Variants in PDE10A observed in about 807,000 individuals in gnomAD.
PDE10A encodes the protein phosphodiesterase 10A, also known as cAMP and cAMP-inhibited cGMP 3',5'-cyclic phosphodiesterase 10A.
Under a neutral mutation model 97.7 loss-of-function variants are expected in PDE10A, and 39 were observed. The observed-to-expected ratio is 0.40, with a 90% CI of 0.31 to 0.52. PDE10A has a LOEUF of 0.52. Among genes scored for constraint, PDE10A ranks in the 20% least tolerant of loss-of-function variants. The probability of loss-of-function intolerance (pLI) is 0.56; values close to 1 mark genes in which losing one functional copy is unlikely to be tolerated. For synonymous variants in PDE10A, 371 were observed against 376.8 expected, an observed-to-expected ratio of 0.98 and a Z score of 0.18; for missense variants, 731 against 1,047.8, an observed-to-expected ratio of 0.70 and a Z score of 4.17.
At chr6:165,855,450 C>T (rs868497093) in intron 1 of PDE10A, among the ~76,000 whole-genome samples, 1 of 151,386 alleles carries the variant, frequency 6.6e-6, no homozygotes, top group South Asian at 2.1e-4. Context: ...TGAGTCTGCC[C>T]GGCCTGAGAT....
At chr6:165,480,194 T>A (rs539557806) in intron 3 of PDE10A, among the ~76,000 whole-genome samples, 14 of 152,290 alleles carry the variant, frequency 9.2e-5, no homozygotes, top group South Asian at 8.3e-4. Context: ...ATCCCTATAC[T>A]CAAAGGGTTT....
chr6:165,940,700 G>C (rs1783490071), intron 1 of PDE10A: 1 of 152,254 alleles, frequency 6.6e-6, no homozygotes, highest in South Asian at 2.1e-4. Flanking sequence ...GTGCCTCCCT[G>C]TGAATTCTCT....
intron 2 of PDE10A, among the ~76,000 whole-genome samples, chr6:165,518,046 C>T (rs1309524229): frequency 6.6e-6 from 1 of 152,140 alleles, no homozygotes; most frequent in African/African-American, 2.4e-5. Context: ...TATTAAGTGG[C>T]AGATCCCAAA....
intron 1 of PDE10A, among the ~76,000 whole-genome samples, chr6:165,967,575 T>A (rs1784549401): frequency 6.6e-6 from 1 of 152,164 alleles, no homozygotes; most frequent in Non-Finnish European, 1.5e-5. Context: ...CAATCGAAAA[T>A]CATTTCAAAA....
At chr6:165,847,349 G>C (rs996827749) in intron 1 of PDE10A, among the ~76,000 whole-genome samples, 2 of 152,194 alleles carry the variant, frequency 1.3e-5, no homozygotes, top group African/African-American at 2.4e-5. Flanking sequence ...GCGGCTATAT[G>C]TTACTGAAAG....
At chr6:165,476,407 G>C (rs1779302085) in intron 3 of PDE10A, among the ~76,000 whole-genome samples, 1 of 152,240 alleles carries the variant, frequency 6.6e-6, no homozygotes, top group South Asian at 2.1e-4. Flanking sequence ...TTTTAAAAGA[G>C]TCATTATGAA....
chr6:165,784,229 AAAAAAAG>A (rs1462235800), intron 1 of PDE10A, among the ~76,000 whole-genome samples: 3 of 145,586 alleles, frequency 2.1e-5, no homozygotes, highest in Admixed American at 1.3e-4. Flanking sequence ...TCTCAAAAAA[AAAAAAAG>A]AAAAAAGAAA....
intron 5 of PDE10A, among the ~76,000 whole-genome samples, chr6:165,444,788 A>G (rs969116516): frequency 3.3e-5 from 5 of 152,100 alleles, no homozygotes; most frequent in African/African-American, 4.8e-5. Context: ...AACTTCTGAC[A>G]TATTTAAATG....
chr6:165,663,889 A>G (rs546876010), upstream of PDE10A, among the ~76,000 whole-genome samples: 1 of 152,308 alleles, frequency 6.6e-6, no homozygotes, highest in East Asian at 1.9e-4. Flanking sequence ...GGCAGTTGCC[A>G]CTGAAGGGAA....
At chr6:165,415,972 G>C (rs1000802680) in intron 12 of PDE10A, among the ~76,000 whole-genome samples, 1 of 152,108 alleles carries the variant, frequency 6.6e-6, no homozygotes, top group Non-Finnish European at 1.5e-5. Flanking sequence ...CTAAACTCCT[G>C]TATCTAGATA....
intron 1 of PDE10A, among the ~76,000 whole-genome samples, chr6:165,567,846 C>T (rs1472971599): frequency 6.6e-6 from 1 of 151,932 alleles, no homozygotes; most frequent in East Asian, 1.9e-4. Context: ...ATTATGTGTC[C>T]ATCTTTCACC....
intron 2 of PDE10A, among the ~76,000 whole-genome samples, chr6:165,509,587 T>C (rs905021610): frequency 3.5e-5 from 3 of 86,874 alleles, no homozygotes; most frequent in Non-Finnish European, 6.9e-5. Context: ...AATTTCAGGA[T>C]TTTTTTTTTT....
At chr6:165,679,471 C>A (rs530636541) in intron 1 of PDE10A, among the ~76,000 whole-genome samples, 2 of 152,194 alleles carry the variant, frequency 1.3e-5, no homozygotes, top group Non-Finnish European at 1.5e-5. Flanking sequence ...TCTCACCGGC[C>A]GCTACCTCCC....
intron 1 of PDE10A, among the ~76,000 whole-genome samples, chr6:165,818,237 C>T (rs1278597977): frequency 6.6e-6 from 1 of 152,140 alleles, no homozygotes; most frequent in Non-Finnish European, 1.5e-5. Context: ...CCGCCTTTCC[C>T]CACTGACTCC....
At chr6:165,885,277 G>A (rs1343587233) in intron 1 of PDE10A, among the ~76,000 whole-genome samples, 1 of 152,198 alleles carries the variant, frequency 6.6e-6, no homozygotes, top group East Asian at 1.9e-4. Flanking sequence ...GAGGCCTCAG[G>A]AAACTTACAA....
intron 1 of PDE10A, among the ~76,000 whole-genome samples, chr6:165,761,511 T>C (rs1793250007): frequency 6.6e-6 from 1 of 152,202 alleles, no homozygotes; most frequent in Non-Finnish European, 1.5e-5. Flanking sequence ...TCAATTTTCC[T>C]TCATTTTTGC....
chr6:165,903,382 G>A (rs192435614), intron 1 of PDE10A, among the ~76,000 whole-genome samples: 24 of 152,326 alleles, frequency 1.6e-4, no homozygotes, highest in African/African-American at 5.8e-4. Context: ...GATGAATATA[G>A]GATTCATTTT....
intron 1 of PDE10A, among the ~76,000 whole-genome samples, chr6:165,911,393 A>G (rs1260151725): frequency 6.6e-6 from 1 of 152,228 alleles, no homozygotes; most frequent in African/African-American, 2.4e-5. Context: ...TTAGAAAACA[A>G]ATTTAAATAA....
In PDE10A at chr6:165,418,019, G is replaced by A. The variant is rs1583244060; in HGVS notation, c.1796+616C>T. On this transcript the variant is annotated intron_variant, in intron 11 of 21. Transcript: ENST00000539869. The surrounding 1 kb of genome is among the most constrained non-coding windows in gnomAD (Gnocchi z 4.8). ...AACGTTTTGTCAGAGTGCTCCTTGT[G>A]TAGGTTTCCAGGTGCGATATGAGCA... is the stretch of plus-strand genomic sequence containing the variant. Among the ~76,000 whole-genome samples, 1 of 152,182 alleles carries A rather than the reference G, an allele frequency of 6.6e-6. No individual in the cohort carries two copies. Among genetic ancestry groups the A allele is most frequent in the East Asian group, 1.9e-4 (1 of 5,194 alleles).
Sources: allele counts gnomAD v4.1 joint callset (sites outside exome capture counted in the v4.1 genomes callset), GRCh38; gene constraint gnomAD v4.1.1; non-coding constraint Gnocchi (gnomAD v3.1); transcripts MANE v1.5; gene names NCBI Gene and HGNC (gene_info 2026-07-23, HGNC 2026-07-21).